Variants in CLOCK observed in about 807,000 individuals in gnomAD.
CLOCK encodes clock circadian regulator.
In CLOCK, 43 loss-of-function variants were observed where a neutral mutation model predicts 118.4. The observed-to-expected ratio is 0.36, with a 90% CI of 0.28 to 0.47. The LOEUF (loss-of-function observed/expected upper bound fraction) is 0.47. CLOCK is among the 20% of genes least tolerant of loss of function. CLOCK has a pLI of 1.00. For missense variants in CLOCK, 846 were observed against 999.9 expected (o/e 0.85, Z 2.08); for synonymous variants, 326 against 339.2 (o/e 0.96, Z 0.43).
At chr4:55,461,738 C>G (rs1725357265) in intron 9 of CLOCK, among the ~76,000 whole-genome samples, 2 of 152,154 alleles carry the variant, frequency 1.3e-5, no homozygotes, top group Non-Finnish European at 2.9e-5. Flanking sequence ...CTGGGGTAGG[C>G]AACCCACTGC....
At position 55,443,750 on chromosome 4, in the gene CLOCK, A is replaced by G; in HGVS notation, c.1839T>C (p.Thr613=). Residue 613 remains threonine, a synonymous_variant, in exon 20 of 23, where the codon ACT becomes ACC. Transcript: ENST00000513440. ...PTNQIQSGMN[T]GHIGTTQHMI... is the part of the protein sequence containing the mutation. The stretch of plus-strand genomic sequence containing the variant: ...TGTGCTGAGTTGTGCCAATGTGTCC[A>G]GTATTCATTCCACTTTGAATCTGGT... 6.2e-7 allele frequency: 1 copy of G among 1,614,156 alleles called. No homozygotes were observed. Among genetic ancestry groups the G allele is most frequent in the Non-Finnish European group, 8.5e-7 (1 of 1,179,992 alleles).
At chr4:55,516,051 T>C (rs371844613) in intron 1 of CLOCK, among the ~76,000 whole-genome samples, 13 of 152,316 alleles carry the variant, frequency 8.5e-5, no homozygotes, top group South Asian at 8.3e-4. Flanking sequence ...AATTATATTG[T>C]GGTCTGAGAA....
At chr4:55,440,082 CAG>C (rs1301052550) in intron 21 of CLOCK, among the ~76,000 whole-genome samples, 6 of 151,848 alleles carry the variant, frequency 4.0e-5, no homozygotes, top group African/African-American at 1.5e-4. Context: ...CTAGGGGTGT[CAG>C]ATATATGTGG....
chr4:55,543,515 G>A (rs553028054), intron 1 of CLOCK, among the ~76,000 whole-genome samples: 2 of 152,182 alleles, frequency 1.3e-5, no homozygotes, highest in African/African-American at 4.8e-5. Context: ...TCAGTCAAGG[G>A]TATACGAGTA....
Position 55,450,645 on chromosome 4 carries a change from T to G in CLOCK, c.1207-413A>C, listed in dbSNP as rs144921527. ...TAGCCAGGCATGATGGCAGATGCCT[T>G]GTGATCCCAGCTACTCCGGCGGCTG... is the stretch of plus-strand genomic sequence containing the variant. On this transcript the variant is annotated intron_variant, in intron 15 of 22. Coordinates refer to ENST00000513440, the MANE Select transcript of CLOCK (RefSeq NM_004898.4). 1.8e-3 allele frequency among the ~76,000 whole-genome samples: 272 copies of G among 152,108 alleles called. 1 individual carries two copies. The highest frequency in any genetic ancestry group is 6.1e-3 in the African/African-American group (253 of 41,490).
intron 7 of CLOCK, among the ~76,000 whole-genome samples, chr4:55,473,284 T>C (rs1031071529): frequency 2.0e-5 from 3 of 151,414 alleles, no homozygotes; most frequent in African/African-American, 4.8e-5. Flanking sequence ...AAGAAACAGA[T>C]ACTATTGTCT....
At chr4:55,538,658 A>G (rs1731060338) in intron 1 of CLOCK, among the ~76,000 whole-genome samples, 2 of 152,216 alleles carry the variant, frequency 1.3e-5, no homozygotes, top group Non-Finnish European at 2.9e-5. Context: ...TCCAAAACTA[A>G]AAGGCATCCA....
intron 1 of CLOCK, among the ~76,000 whole-genome samples, chr4:55,532,386 T>C (rs970214699): frequency 1.3e-5 from 2 of 152,080 alleles, no homozygotes; most frequent in Admixed American, 1.3e-4. Context: ...TGTATACAGA[T>C]GACATGATTT....
chr4:55,460,930 T>C (rs1046509326), intron 9 of CLOCK, among the ~76,000 whole-genome samples: 14 of 148,842 alleles, frequency 9.4e-5, no homozygotes, highest in Admixed American at 5.4e-4. Context: ...TTCCTCTCCT[T>C]TTTTTTTTTT....
chr4:55,517,820 A>G (rs1324577785), intron 1 of CLOCK, among the ~76,000 whole-genome samples: 1 of 152,216 alleles, frequency 6.6e-6, no homozygotes, highest in East Asian at 1.9e-4. Flanking sequence ...CTTTTTCATT[A>G]CTCTCATACA....
At chr4:55,504,283 C>CAAAAAAAAAAAAAAAAAAAAAAAAA (rs35414558) in intron 2 of CLOCK, among the ~76,000 whole-genome samples, 1 of 51,948 alleles carries the variant, frequency 1.9e-5, no homozygotes, top group East Asian at 6.0e-4. Flanking sequence ...GAGACTCCAT[C>CAAAAAAAAAAAAAAAAAAAAAAAAA]AAAAAAAAAA....
Position 55,429,585 on chromosome 4 carries a change from T to C in CLOCK, c.*5830A>G, listed in dbSNP as rs1722379969. The C allele has an allele frequency of 6.6e-6, 1 of 152,208 alleles. No individual in the cohort carries two copies. The highest frequency in any genetic ancestry group is 1.5e-5 in the Non-Finnish European group (1 of 68,022). The allele number at this position is 152,208 out of a possible 1,614,324, so 9.4% of individuals were successfully genotyped here. A position where few individuals can be genotyped will look rare whatever the true frequency, so the allele number is the denominator to read the frequency against. On this transcript the variant is annotated 3_prime_UTR_variant, in exon 23 of 23. Transcript: ENST00000513440. ...CATTATTCCGCCAAATTTAAGAACTTTAAATGGATTTTAATATGGATATGA... is the reference window on the plus strand; with the variant it reads ...CATTATTCCGCCAAATTTAAGAACTCTAAATGGATTTTAATATGGATATGA...
chr4:55,504,346 G>A (rs528376306), intron 2 of CLOCK, among the ~76,000 whole-genome samples: 1 of 149,394 alleles, frequency 6.7e-6, no homozygotes, highest in South Asian at 2.1e-4. Context: ...AGTTTTAGCT[G>A]GAATTGAAAA....
chr4:55,510,667 G>A (rs957632867), intron 1 of CLOCK, among the ~76,000 whole-genome samples: 6 of 149,956 alleles, frequency 4.0e-5, no homozygotes, highest in Admixed American at 2.0e-4. Context: ...TTCCCTAAAG[G>A]AAGAGAATTT....
chr4:55,535,569 A>G (rs1730836338), intron 1 of CLOCK, among the ~76,000 whole-genome samples: 1 of 152,136 alleles, frequency 6.6e-6, no homozygotes, highest in South Asian at 2.1e-4. Context: ...TAATAATAAT[A>G]ATAGGAAATT....
At chr4:55,518,768 T>C (rs1402325746) in intron 1 of CLOCK, among the ~76,000 whole-genome samples, 1 of 152,212 alleles carries the variant, frequency 6.6e-6, no homozygotes, top group African/African-American at 2.4e-5. Flanking sequence ...TCCCAGTCTC[T>C]AGAACTGAAA....
At chr4:55,477,630 G>C (rs1726609606) in intron 6 of CLOCK, among the ~76,000 whole-genome samples, 2 of 152,058 alleles carry the variant, frequency 1.3e-5, no homozygotes. Context: ...ACATGCAAAA[G>C]AAAGATCTAG....
intron 3 of CLOCK, among the ~76,000 whole-genome samples, chr4:55,487,223 T>C (rs1338082545): frequency 6.6e-6 from 1 of 152,188 alleles, no homozygotes; most frequent in Admixed American, 6.5e-5. Flanking sequence ...AACTTGGTGT[T>C]TTACCTTTTG....
At chr4:55,438,938 G>T (rs1723121432) in intron 21 of CLOCK, among the ~76,000 whole-genome samples, 1 of 152,156 alleles carries the variant, frequency 6.6e-6, no homozygotes, top group African/African-American at 2.4e-5. Flanking sequence ...GTTAGCAGCT[G>T]GAATTAGCAA....
Sources: gnomAD v4.1 joint callset for allele counts (sites outside exome capture counted in the v4.1 genomes callset) on GRCh38, gnomAD v4.1.1 for gene constraint, MANE v1.5 for transcripts, NCBI Gene and HGNC (gene_info 2026-07-23, HGNC 2026-07-21) for gene names.